Variants in ZHX1 observed in about 807,000 individuals in gnomAD.
ZHX1 encodes the protein zinc fingers and homeoboxes protein 1.
In ZHX1, 20 loss-of-function variants were observed where a neutral mutation model predicts 61.8. The ratio of observed to expected loss-of-function variants is 0.32; its 90% confidence interval spans 0.23 to 0.47. The LOEUF (loss-of-function observed/expected upper bound fraction) is 0.47, where lower values mean the gene tolerates loss of function less well. Among genes scored for constraint, ZHX1 ranks in the 20% least tolerant of loss-of-function variants. The probability of loss-of-function intolerance (pLI) is 1.00; values close to 1 mark genes in which losing one functional copy is unlikely to be tolerated. For synonymous variants in ZHX1, 318 were observed against 352.6 expected (o/e 0.90, Z 1.10); for missense variants, 800 against 1,034.8 (o/e 0.77, Z 3.11).
intron 2 of ZHX1, among the ~76,000 whole-genome samples, chr8:123,264,277 T>C (rs1391990521): frequency 1.3e-5 from 2 of 152,192 alleles, no homozygotes; most frequent in African/African-American, 2.4e-5. Flanking sequence ...GAGAAAACTA[T>C]ACTTTAACAG....
At chr8:123,261,377 C>T (rs373133809) in intron 2 of ZHX1, among the ~76,000 whole-genome samples, 7 of 152,132 alleles carry the variant, frequency 4.6e-5, no homozygotes, top group African/African-American at 1.7e-4. Context: ...TTTGCAGTCA[C>T]CTCTGTCAAT....
intron 2 of ZHX1, among the ~76,000 whole-genome samples, chr8:123,264,992 C>T (rs187327784): frequency 0.012 from 1,763 of 150,282 alleles, 7 homozygotes; most frequent in Admixed American, 0.019. Context: ...AGTTTGAGAC[C>T]AGCCTGGCCA....
rs1157213080 is a variant in ZHX1, at chr8:123,267,273, T to C, written c.-226A>G. 4 of 1,532,054 alleles carry C rather than the reference T, an allele frequency of 2.6e-6. No homozygotes were observed. Among genetic ancestry groups the C allele is most frequent in the East Asian group, 4.9e-5 (2 of 40,788 alleles). The allele number at this position is 1,532,054 out of a possible 1,614,324, so 94.9% of individuals were successfully genotyped here. A position where few individuals can be genotyped will look rare whatever the true frequency, so the allele number is the denominator to read the frequency against. On this transcript the variant is annotated splice_region_variant and 5_prime_UTR_variant, in exon 2 of 4. Transcript: ENST00000395571. ...CATACCAAAACAATGAAACACATACTTGCCACAGCTTCCTTAGCATTCTGT... is the reference window on the plus strand; with the variant it reads ...CATACCAAAACAATGAAACACATACCTGCCACAGCTTCCTTAGCATTCTGT...
chr8:123,257,507 G>T (rs1826108388), intron 2 of ZHX1, among the ~76,000 whole-genome samples: 1 of 151,804 alleles, frequency 6.6e-6, no homozygotes, highest in Non-Finnish European at 1.5e-5. Context: ...GTGTTGATCT[G>T]TGTGCCCTCT....
At chr8:123,260,601 A>C (rs143162723) in intron 2 of ZHX1, among the ~76,000 whole-genome samples, 2,371 of 151,978 alleles carry the variant, frequency 0.016, 75 homozygotes, top group African/African-American at 0.054. Context: ...CCATCTCAAA[A>C]AAAAAACAAA....
At chr8:123,260,936 C>G (rs1826231525) in intron 2 of ZHX1, among the ~76,000 whole-genome samples, 1 of 152,074 alleles carries the variant, frequency 6.6e-6, no homozygotes, top group African/African-American at 2.4e-5. Context: ...GCAGGAGAAT[C>G]ACTTGAATCC....
In ZHX1 at chr8:123,253,715, CCCT is replaced by C; in HGVS notation, c.2229_2231del (p.Gly744del). On this transcript the variant is annotated inframe_deletion, in exon 3 of 4. Coordinates refer to ENST00000395571, the MANE Select transcript of ZHX1 (RefSeq NM_007222.5). ...TTCCCCGTCCTTTGGGTCTCCCTCTCCCTCTTTTCCTAAGGGAAGACAGACCAT... is the reference window on the plus strand; with the variant it reads ...TTCCCCGTCCTTTGGGTCTCCCTCTCCTTTTCCTAAGGGAAGACAGACCAT... 1 of 1,614,202 alleles carries C rather than the reference CCCT, an allele frequency of 6.2e-7. No homozygotes were observed. The highest frequency in any genetic ancestry group is 8.5e-7 in the Non-Finnish European group (1 of 1,180,022).
intron 2 of ZHX1, among the ~76,000 whole-genome samples, chr8:123,258,290 C>T (rs2131198793): frequency 6.6e-6 from 1 of 152,308 alleles, no homozygotes; most frequent in Middle Eastern, 3.4e-3. Flanking sequence ...ACATGCATTC[C>T]CCATCATCTT....
rs1825882541 is a variant in ZHX1 at position 123,250,254 on chromosome 8, G to A, written c.*70C>T. The A allele has an allele frequency of 4.4e-6, 2 of 453,164 alleles. No homozygotes were observed. Among genetic ancestry groups the A allele is most frequent in the Non-Finnish European group, 4.4e-6 (1 of 225,358 alleles). 28.1% of individuals were successfully genotyped at this position (453,164 alleles called of 1,614,324 possible). ...AACGTTTTCAATGTCATCAAAGATT[G>A]GGCAAATTCACAGTAAATCAGACAT... On this transcript the variant is annotated 3_prime_UTR_variant, in exon 4 of 4. Coordinates refer to ENST00000395571, the MANE Select transcript of ZHX1 (RefSeq NM_007222.5).
At chr8:123,271,272 A>G (rs1191539201) in intron 1 of ZHX1, among the ~76,000 whole-genome samples, 2 of 152,228 alleles carry the variant, frequency 1.3e-5, no homozygotes, top group Non-Finnish European at 2.9e-5. Context: ...AAGGATTTTA[A>G]GTTCAAAAAA....
chr8:123,261,254 G>C (rs1406039094), intron 2 of ZHX1, among the ~76,000 whole-genome samples: 1 of 152,142 alleles, frequency 6.6e-6, no homozygotes, highest in Admixed American at 6.6e-5. Context: ...CATAAGTTTG[G>C]AGGAAACAAG....
At chr8:123,272,076 CAA>C (rs1207168009) in intron 1 of ZHX1, among the ~76,000 whole-genome samples, 1 of 152,222 alleles carries the variant, frequency 6.6e-6, no homozygotes. Context: ...TAAAATGTTC[CAA>C]ATGTAAAGTT....
chr8:123,263,760 G>A (rs1826362633), intron 2 of ZHX1, among the ~76,000 whole-genome samples: 1 of 152,206 alleles, frequency 6.6e-6, no homozygotes, highest in East Asian at 1.9e-4. Context: ...CTTGAACCCA[G>A]GAGGCAGAGG....
intron 2 of ZHX1, among the ~76,000 whole-genome samples, chr8:123,259,751 G>A (rs1308804073): frequency 2.6e-5 from 4 of 151,920 alleles, no homozygotes; most frequent in Non-Finnish European, 5.9e-5. Flanking sequence ...AGGCAAGAGG[G>A]TTTCTTTCTG....
In ZHX1 at chr8:123,254,040, T is replaced by C. The variant is rs746663941; in HGVS notation, c.1907A>G (p.Asn636Ser). Residue 636 changes from asparagine to serine, a missense_variant, in exon 3 of 4, where the codon AAT becomes AGT. Coordinates refer to ENST00000395571, the MANE Select transcript of ZHX1 (RefSeq NM_007222.5). This position sits in a 1 kb window ranked among gnomAD's most constrained non-coding sequence, Gnocchi z 4.1. ...KEEKMEIDES[N>S]AGSSKEEAGE... The stretch of plus-strand genomic sequence containing the variant: ...AGCTTCTTCTTTGGAACTACCTGCA[T>C]TACTTTCATCTATTTCCATTTTCTC... The C allele has an allele frequency of 8.1e-6, 13 of 1,613,982 alleles. No homozygotes were observed. Among genetic ancestry groups the C allele is most frequent in the Middle Eastern group, 1.6e-4 (1 of 6,082 alleles).
Position 123,249,964 on chromosome 8 carries a change from A to G in ZHX1, c.*360T>C, listed in dbSNP as rs1021791065. 5.6e-6 allele frequency: 1 copy of G among 177,488 alleles called. No homozygotes were observed. The highest frequency in any genetic ancestry group is 2.4e-5 in the African/African-American group (1 of 41,566). 11.0% of individuals were successfully genotyped at this position (177,488 alleles called of 1,614,324 possible). A position where few individuals can be genotyped will look rare whatever the true frequency, so the allele number is the denominator to read the frequency against. On this transcript the variant is annotated 3_prime_UTR_variant, in exon 4 of 4. Transcript: ENST00000395571. ...ATATAGCCCATCTTACTAGACATAC[A>G]GTATTAAACTGGACTGAATATGAGG...
In ZHX1 at chr8:123,254,317, C is replaced by T; in HGVS notation, c.1630G>A (p.Asp544Asn). Residue 544 changes from aspartate to asparagine, a missense_variant, in exon 3 of 4, where the codon GAT becomes AAT. Coordinates refer to ENST00000395571, the MANE Select transcript of ZHX1 (RefSeq NM_007222.5). This position sits in a 1 kb window ranked among gnomAD's most constrained non-coding sequence, Gnocchi z 4.1. ...ACAGTTGGGGATTCCGTGGTTTCAT[C>T]ACTGGAGTCTATAATAATGGTGGTA... ...SSTTIIIDSS[D>N]ETTESPTVGT... 1 of 1,614,144 alleles carries T rather than the reference C, an allele frequency of 6.2e-7. No homozygotes were observed.
intron 3 of ZHX1, among the ~76,000 whole-genome samples, chr8:123,251,854 G>C (rs1825927814): frequency 6.6e-6 from 1 of 151,932 alleles, no homozygotes; most frequent in Admixed American, 6.6e-5. Flanking sequence ...TATTAAAACA[G>C]GTACATTTTT....
chr8:123,271,598 G>A (rs1586835531), intron 1 of ZHX1, among the ~76,000 whole-genome samples: 1 of 152,106 alleles, frequency 6.6e-6, no homozygotes, highest in East Asian at 1.9e-4. Flanking sequence ...ATAATTTACA[G>A]CAAACTAAGT....
Sources: allele counts gnomAD v4.1 joint callset (sites outside exome capture counted in the v4.1 genomes callset), GRCh38; gene constraint gnomAD v4.1.1; non-coding constraint Gnocchi (gnomAD v3.1); transcripts MANE v1.5; gene names NCBI Gene and HGNC (gene_info 2026-07-23, HGNC 2026-07-21).